TRAF3: variants seen among roughly 807,000 people sequenced by gnomAD.
TRAF3 encodes TNF receptor-associated factor 3.
In TRAF3, 13 loss-of-function variants were observed where a neutral mutation model predicts 62.3. That is an observed-to-expected ratio of 0.21 (90% CI 0.14 to 0.33). TRAF3 has a LOEUF of 0.33. Among genes scored for constraint, TRAF3 ranks in the 10% least tolerant of loss-of-function variants. The probability of loss-of-function intolerance (pLI) is 1.00; values close to 1 mark genes in which losing one functional copy is unlikely to be tolerated. For synonymous variants in TRAF3, 269 were observed against 283.4 expected, an observed-to-expected ratio of 0.95 and a Z score of 0.51; for missense variants, 440 against 741.8, an observed-to-expected ratio of 0.59 and a Z score of 4.73.
intron 6 of TRAF3, among the ~76,000 whole-genome samples, chr14:102,881,790 T>G (rs1887993649): frequency 6.6e-6 from 1 of 152,218 alleles, no homozygotes; most frequent in African/African-American, 2.4e-5. Flanking sequence ...CTTGCCAAAA[T>G]CAGTTACCTT....
At chr14:102,841,165 C>G (rs1214446017) in intron 2 of TRAF3, among the ~76,000 whole-genome samples, 2 of 152,180 alleles carry the variant, frequency 1.3e-5, no homozygotes, top group Non-Finnish European at 2.9e-5. Flanking sequence ...ACTGGCTTCA[C>G]TAAAGTGATG....
chr14:102,900,201 A>AAAAAAAAC (rs1890215226), intron 10 of TRAF3, among the ~76,000 whole-genome samples: 1 of 146,184 alleles, frequency 6.8e-6, no homozygotes, highest in African/African-American at 2.5e-5. Flanking sequence ...AAAAAAAAAA[A>AAAAAAAAC]AAGACAGCCT....
chr14:102,824,340 G>C (rs113669641), intron 1 of TRAF3, among the ~76,000 whole-genome samples: 1,549 of 152,310 alleles, frequency 0.01, 19 homozygotes, highest in African/African-American at 0.035. Context: ...ACATCTGGTG[G>C]TCATGAAATG....
intron 1 of TRAF3, among the ~76,000 whole-genome samples, chr14:102,799,747 C>T (rs113662018): frequency 1.3e-5 from 2 of 152,314 alleles, no homozygotes; most frequent in African/African-American, 4.8e-5. Context: ...CTGCTCTTGG[C>T]CAAGCACTTC....
chr14:102,812,646 G>A (rs1236272183), intron 1 of TRAF3, among the ~76,000 whole-genome samples: 2 of 152,238 alleles, frequency 1.3e-5, no homozygotes, highest in South Asian at 2.1e-4. Flanking sequence ...CAGGCCGGGC[G>A]TGGTGGCTCA....
chr14:102,835,508 G>C (rs144139754), intron 2 of TRAF3, among the ~76,000 whole-genome samples: 21 of 152,292 alleles, frequency 1.4e-4, no homozygotes, highest in Admixed American at 1.4e-3. Flanking sequence ...TGAAATGCCT[G>C]TCAGTGGCAG....
rs551255269 is a variant in TRAF3, at chr14:102,858,157, T to A, written c.-17-12028T>A. 4.6e-5 allele frequency among the ~76,000 whole-genome samples: 7 copies of A among 151,338 alleles called. No homozygotes were observed. In the South Asian group the frequency reaches 1.3e-3, roughly 27 times the overall value. On this transcript the variant is annotated intron_variant, in intron 2 of 11. Coordinates refer to ENST00000392745, the MANE Select transcript of TRAF3 (RefSeq NM_145725.3). ...TCCTGAAAGAACCTCTGTTCTTCTT[T>A]TTTTTTTTTTTCTTGAGACAGTCTC... is the stretch of plus-strand genomic sequence containing the variant.
chr14:102,849,832 C>G (rs544748412), intron 2 of TRAF3, among the ~76,000 whole-genome samples: 2 of 152,232 alleles, frequency 1.3e-5, no homozygotes, highest in Non-Finnish European at 2.9e-5. Flanking sequence ...GCAGGGCACA[C>G]CTGTCTGTTC....
chr14:102,877,459 A>G (rs1888760253), intron 6 of TRAF3, among the ~76,000 whole-genome samples: 2 of 140,888 alleles, frequency 1.4e-5, no homozygotes, highest in South Asian at 2.3e-4. Context: ...TGCTTAGCTC[A>G]TAGATAATCC....
At position 102,891,367 on chromosome 14, in the gene TRAF3, G is replaced by T. The variant is rs771149972; in HGVS notation, c.769G>T (p.Val257Leu). Residue 257 changes from valine to leucine, a missense_variant, in exon 9 of 12, where the codon GTG becomes TTG. Val to Leu is a conservative substitution (Grantham distance 32). Transcript: ENST00000392745. ...CAAGGCCCACGAGGCCAGCTCCGCC[G>T]TGCAGCACGTCAACCTGCTGAAGGA... Reference protein sequence around the residue: ...QIKAHEASSAVQHVNLLKEWS... With the variant: ...QIKAHEASSALQHVNLLKEWS... The T allele has an allele frequency of 6.2e-7, 1 of 1,613,436 alleles. No individual in the cohort carries two copies. The highest frequency in any genetic ancestry group is 8.5e-7 in the Non-Finnish European group (1 of 1,179,864).
rs904881144 is a variant in TRAF3, at chr14:102,906,775, CAG to C, written c.*992_*993del. 1.5e-4 allele frequency: 23 copies of C among 152,242 alleles called. 1 individual carries two copies. The highest frequency in any genetic ancestry group is 2.2e-4 in the Non-Finnish European group (15 of 68,040). The allele number at this position is 152,242 out of a possible 1,614,324, so 9.4% of individuals were successfully genotyped here. On this transcript the variant is annotated 3_prime_UTR_variant, in exon 12 of 12. Coordinates refer to ENST00000392745, the MANE Select transcript of TRAF3 (RefSeq NM_145725.3). Reference sequence around the variant, plus strand: ...CAGCACCGGCCTTCGGTCTCCATGTCAGGGGTGGGCGGGTGACTGCTGAGGGA... The same window carrying C: ...CAGCACCGGCCTTCGGTCTCCATGTCGGGTGGGCGGGTGACTGCTGAGGGA...
intron 2 of TRAF3, among the ~76,000 whole-genome samples, chr14:102,830,803 G>T (rs1900634436): frequency 6.6e-6 from 1 of 152,198 alleles, no homozygotes; most frequent in Admixed American, 6.5e-5. Context: ...TTACAGAGAA[G>T]CTGCAGTGCC....
chr14:102,890,044 C>T (rs993093367), intron 8 of TRAF3, among the ~76,000 whole-genome samples: 3 of 152,212 alleles, frequency 2.0e-5, no homozygotes, highest in Non-Finnish European at 2.9e-5. Flanking sequence ...CGATCACACA[C>T]GTGTGTATCC....
chr14:102,841,470 A>G (rs1261936384), intron 2 of TRAF3, among the ~76,000 whole-genome samples: 1 of 152,230 alleles, frequency 6.6e-6, no homozygotes, highest in Non-Finnish European at 1.5e-5. Context: ...TTGCCTTTTC[A>G]TCTTTGTTAG....
chr14:102,865,397 C>G (rs2139802878), intron 2 of TRAF3, among the ~76,000 whole-genome samples: 1 of 152,280 alleles, frequency 6.6e-6, no homozygotes, highest in Admixed American at 6.5e-5. Flanking sequence ...TTGAGAACAC[C>G]TCCTTTTGAC....
rs1888359188 is a variant in TRAF3 at position 102,871,836 on chromosome 14, A to G, written c.246-81A>G. 3 of 1,369,662 alleles carry G rather than the reference A, an allele frequency of 2.2e-6. No individual in the cohort carries two copies. In the East Asian group the frequency reaches 6.9e-5, roughly 31 times the overall value. 84.8% of individuals were successfully genotyped at this position (1,369,662 alleles called of 1,614,324 possible). On this transcript the variant is annotated intron_variant, in intron 3 of 11. Coordinates refer to ENST00000392745, the MANE Select transcript of TRAF3 (RefSeq NM_145725.3). Reference sequence around the variant, plus strand: ...GAGCCACTGTGCAGACCTGACCATAAAGTGAATGCTCCCAGAATCTCCTGA... The same window carrying G: ...GAGCCACTGTGCAGACCTGACCATAGAGTGAATGCTCCCAGAATCTCCTGA...
intron 2 of TRAF3, among the ~76,000 whole-genome samples, chr14:102,841,955 A>C (rs539718102): frequency 6.6e-6 from 1 of 152,306 alleles, no homozygotes; most frequent in Non-Finnish European, 1.5e-5. Flanking sequence ...TATATACAAT[A>C]TATAAAATGC....
intron 10 of TRAF3, among the ~76,000 whole-genome samples, chr14:102,899,422 T>C (rs865938009): frequency 6.6e-6 from 1 of 152,148 alleles, no homozygotes; most frequent in Non-Finnish European, 1.5e-5. Context: ...CCCTTCCTGT[T>C]GCCCCAGGAA....
rs1255172159 is a variant in TRAF3 at position 102,903,019 on chromosome 14, T to A, written c.961-236T>A. 5.0e-6 allele frequency: 3 copies of A among 595,916 alleles called. No homozygotes were observed. Among genetic ancestry groups the A allele is most frequent in the African/African-American group, 3.7e-5 (2 of 53,986 alleles). 36.9% of individuals were successfully genotyped at this position (595,916 alleles called of 1,614,324 possible). ...TTAGTGGAGCCTCCTGTTGTTTTCTTCCATGTGGCTTCATGTCACCTCGAG... is the reference window on the plus strand; with the variant it reads ...TTAGTGGAGCCTCCTGTTGTTTTCTACCATGTGGCTTCATGTCACCTCGAG... On this transcript the variant is annotated intron_variant, in intron 10 of 11. Transcript: ENST00000392745. The surrounding 1 kb of genome is among the most constrained non-coding windows in gnomAD (Gnocchi z 6.4).
Sources: gnomAD v4.1 joint callset for allele counts (sites outside exome capture counted in the v4.1 genomes callset) on GRCh38, gnomAD v4.1.1 for gene constraint, Gnocchi (gnomAD v3.1) non-coding constraint, MANE v1.5 for transcripts, NCBI Gene and HGNC (gene_info 2026-07-23, HGNC 2026-07-21) for gene names.